The following IRF9 variants were observed in gnomAD, a reference collection of about 807,000 sequenced individuals.
The protein encoded by IRF9 is interferon regulatory factor 9.
Under a neutral mutation model 44.1 loss-of-function variants are expected in IRF9, and 13 were observed. The ratio of observed to expected loss-of-function variants is 0.29; its 90% CI spans 0.19 to 0.47. IRF9 has a LOEUF of 0.47. IRF9 is among the 20% of genes least tolerant of loss of function. The pLI, the probability that IRF9 is intolerant of heterozygous loss-of-function variation, is 1.00. For missense variants in IRF9, 373 were observed against 496.1 expected (o/e 0.75, Z 2.36); for synonymous variants, 189 against 188.5 (o/e 1.00, Z -0.02).
Position 24,163,404 on chromosome 14 carries a change from T to A in IRF9, c.391T>A (p.Ser131Thr), listed in dbSNP as rs374217831. 3.2e-5 allele frequency: 52 copies of A among 1,613,936 alleles called. No individual in the cohort carries two copies. Among genetic ancestry groups the A allele is most frequent in the Non-Finnish European group, 4.3e-5 (51 of 1,179,988 alleles). Residue 131 changes from serine (S) to threonine (T), a missense_variant, in exon 4 of 9, where the codon TCA becomes ACA. Around this residue, in one of 2 missense-constraint regions of IRF9, gnomAD observed 227 missense variants for 255.3 expected, o/e 0.89. Transcript: ENST00000396864. ...CCAGCCAGGGACTCAGAAAGTACCA[T>A]CAAAGCGACAGCACAGTTCTGTGTC... ...SGQPGTQKVP[S>T]KRQHSSVSSE...
chr14:24,165,852 G>T lies in IRF9; in HGVS notation c.997G>T (p.Val333Phe). 6.2e-7 allele frequency: 1 copy of T among 1,612,742 alleles called. No homozygotes were observed. The highest frequency in any genetic ancestry group is 2.2e-5 in the East Asian group (1 of 44,874). ...FRTAYFCRDLVRYFQGLGPPP... is the reference protein window; with the variant it reads ...FRTAYFCRDLFRYFQGLGPPP... ...CTTGACCCTTTCTCTTTCAGACTTG[G>T]TCAGGTACTTTCAGGGCCTGGGCCC... The change falls in exon 8 of 9, where the codon GTC becomes TTC. Residue 333 changes from valine (V) to phenylalanine (F), a missense_variant. Around this residue, in one of 2 missense-constraint regions of IRF9, gnomAD observed 146 missense variants for 240.8 expected, o/e 0.61. Transcript: ENST00000396864.
rs1452927917 is a variant in IRF9 at position 24,164,838 on chromosome 14, C to T, written c.874C>T (p.Arg292Cys). The T allele has an allele frequency of 1.9e-5, 31 of 1,610,148 alleles. No individual in the cohort carries two copies. The highest frequency in any genetic ancestry group is 2.5e-5 in the Non-Finnish European group (30 of 1,179,990). ...CAACCCCCGAGGCCTCTTCGTGCAG[C>T]GCCTTTGCCCCATCCCCATCTCCTG... ...ASNPRGLFVQ[R>C]LCPIPISWNA... Residue 292 changes from arginine to cysteine, a missense_variant, in exon 7 of 9, where the codon CGC becomes TGC. By Grantham distance (180) the Arg-to-Cys change is radical (BLOSUM62 -3). Coordinates refer to ENST00000396864, the MANE Select transcript of IRF9 (RefSeq NM_006084.5). The surrounding 1 kb of genome is among the most constrained non-coding windows in gnomAD (Gnocchi z 5.2).
Position 24,164,757 on chromosome 14 carries a change from C to T in IRF9, c.793C>T (p.Leu265=). The T allele has an allele frequency of 6.2e-7, 1 of 1,611,924 alleles. No homozygotes were observed. Among genetic ancestry groups the T allele is most frequent in the Non-Finnish European group, 8.5e-7 (1 of 1,179,908 alleles). ...EQVLFPKPGP[L]EPTQRLLSQL... is the part of the protein sequence containing the mutation. ...GGTGCTGTTCCCCAAGCCTGGCCCA[C>T]TGGAGCCCACGCAGCGCCTGCTGAG... The change falls in exon 7 of 9, where the codon CTG becomes TTG. Residue 265 remains leucine (L), a synonymous_variant. Coordinates refer to ENST00000396864, the MANE Select transcript of IRF9 (RefSeq NM_006084.5). This position sits in a 1 kb window ranked among gnomAD's most constrained non-coding sequence, Gnocchi z 5.2.
At chr14:24,166,003 C>T (rs199885191) in intron 8 of IRF9, 41 bp downstream of exon 8, 3 of 1,586,648 alleles carry the variant, frequency 1.9e-6, no homozygotes, top group East Asian at 2.2e-5. Flanking sequence ...CTAATGAGAG[C>T]AGAGACAGTG....
Position 24,163,835 on chromosome 14 carries a change from C to T in IRF9, c.496-43C>T, listed in dbSNP as rs191892695. 1.9e-3 allele frequency: 2,987 copies of T among 1,558,762 alleles called. 32 individuals carry two copies. In the African/African-American group the frequency reaches 0.033, roughly 17 times the overall value. ...CTGGGCAACAAGAGTGAAACTCTGTCTCAAAAAAAGAGAAAAAAAATAAAA... is the reference window on the plus strand; with the variant it reads ...CTGGGCAACAAGAGTGAAACTCTGTTTCAAAAAAAGAGAAAAAAAATAAAA... On this transcript the variant is annotated intron_variant, in intron 4 of 8. Coordinates refer to ENST00000396864, the MANE Select transcript of IRF9 (RefSeq NM_006084.5).
At position 24,166,443 on chromosome 14, in the gene IRF9, A is replaced by T; in HGVS notation, c.*247A>T. On this transcript the variant is annotated 3_prime_UTR_variant, in exon 9 of 9. Transcript: ENST00000396864. ...ATCTGTAAGGGACTAGGAAATTCCA[A>T]ATGGTGTGAACCCAGGGGGCCTTTC... 1 of 560,100 alleles carries T rather than the reference A, an allele frequency of 1.8e-6. No individual in the cohort carries two copies. Among genetic ancestry groups the T allele is most frequent in the Non-Finnish European group, 3.1e-6 (1 of 317,954 alleles). 34.7% of individuals were successfully genotyped at this position (560,100 alleles called of 1,614,324 possible).
Position 24,164,616 on chromosome 14 carries a change from T to C in IRF9, c.652T>C (p.Tyr218His). The C allele has an allele frequency of 6.3e-7, 1 of 1,589,164 alleles. No homozygotes were observed. The highest frequency in any genetic ancestry group is 8.6e-7 in the Non-Finnish European group (1 of 1,163,182). Reference protein sequence around the residue: ...LEFLLPPEPDYSLLLTFIYNG... With the variant: ...LEFLLPPEPDHSLLLTFIYNG... ...AGGTAGGGCTGTTCTATCCCCAGAC[T>C]ACTCACTGCTGCTCACCTTCATCTA... Residue 218 changes from tyrosine to histidine, a missense_variant and splice_region_variant, in exon 7 of 9, where the codon TAC becomes CAC. Around this residue, in one of 2 missense-constraint regions of IRF9, gnomAD observed 146 missense variants for 240.8 expected, o/e 0.61. Coordinates refer to ENST00000396864, the MANE Select transcript of IRF9 (RefSeq NM_006084.5). This position sits in a 1 kb window ranked among gnomAD's most constrained non-coding sequence, Gnocchi z 5.2.
chr14:24,166,352 GTGGAGAAC>G lies in IRF9; in HGVS notation c.*158_*165del, dbSNP rs2038522909. 1.5e-6 allele frequency: 1 copy of G among 664,392 alleles called. No homozygotes were observed. Among genetic ancestry groups the G allele is most frequent in the African/African-American group, 1.8e-5 (1 of 54,492 alleles). The allele number at this position is 664,392 out of a possible 1,614,324, so 41.2% of individuals were successfully genotyped here. ...TGAAAATCCTCGCACACACTGGCTGGTGGAGAACTCAAGGCTAATTTTTTATCCTTTTT... is the reference window on the plus strand; with the variant it reads ...TGAAAATCCTCGCACACACTGGCTGGTCAAGGCTAATTTTTTATCCTTTTT... On this transcript the variant is annotated 3_prime_UTR_variant, in exon 9 of 9. Coordinates refer to ENST00000396864, the MANE Select transcript of IRF9 (RefSeq NM_006084.5).
At chr14:24,165,139 C>G (rs1485887606) in intron 7 of IRF9, 184 bp downstream of exon 7, 2 of 718,298 alleles carry the variant, frequency 2.8e-6, no homozygotes, top group East Asian at 5.4e-5. Context: ...CTGGCAGCTA[C>G]CTGGCAGCTC....
At position 24,164,454 on chromosome 14, in the gene IRF9, A is replaced by G; in HGVS notation, c.650-160A>G. 1.4e-6 allele frequency: 1 copy of G among 708,724 alleles called. No homozygotes were observed. The allele number at this position is 708,724 out of a possible 1,614,324, so 43.9% of individuals were successfully genotyped here. A position where few individuals can be genotyped will look rare whatever the true frequency, so the allele number is the denominator to read the frequency against. ...CCTGGGCATTGAGCCCTGAGGCCTC[A>G]TGGTGAATCACATACTAGCTACTTG... is the stretch of plus-strand genomic sequence containing the variant. On this transcript the variant is annotated intron_variant, in intron 6 of 8. Transcript: ENST00000396864. This position sits in a 1 kb window ranked among gnomAD's most constrained non-coding sequence, Gnocchi z 5.2.
chr14:24,166,349 C>A lies in IRF9; in HGVS notation c.*153C>A. 2 of 677,094 alleles carry A rather than the reference C, an allele frequency of 3.0e-6. No homozygotes were observed. Among genetic ancestry groups the A allele is most frequent in the Non-Finnish European group, 2.5e-6 (1 of 393,542 alleles). 41.9% of individuals were successfully genotyped at this position (677,094 alleles called of 1,614,324 possible). A position where few individuals can be genotyped will look rare whatever the true frequency, so the allele number is the denominator to read the frequency against. ...TCCTGAAAATCCTCGCACACACTGG[C>A]TGGTGGAGAACTCAAGGCTAATTTT... is the stretch of plus-strand genomic sequence containing the variant. On this transcript the variant is annotated 3_prime_UTR_variant, in exon 9 of 9. Coordinates refer to ENST00000396864, the MANE Select transcript of IRF9 (RefSeq NM_006084.5).
At chr14:24,165,070 C>T in intron 7 of IRF9, 115 bp downstream of exon 7, 1 of 929,422 alleles carries the variant, frequency 1.1e-6, no homozygotes, top group Non-Finnish European at 1.7e-6. Context: ...CTCCATGTAG[C>T]CTATGCATGG....
At chr14:24,163,230 A>G (rs762009234) in intron 3 of IRF9, 81 bp downstream of exon 3, 1 of 1,567,626 alleles carries the variant, frequency 6.4e-7, no homozygotes, top group Non-Finnish European at 8.7e-7. Flanking sequence ...CCCCAGGCTT[A>G]TAGCTCTGCC....
At chr14:24,163,767 G>T in intron 4 of IRF9, 111 bp from the exon 5 acceptor site, 1 of 1,130,522 alleles carries the variant, frequency 8.8e-7, no homozygotes, top group Non-Finnish European at 1.3e-6. Context: ...GAACCGGGGG[G>T]CGGAGATAGC....
rs1026706018 is a variant in IRF9 at position 24,166,334 on chromosome 14, C to G, written c.*138C>G. ...TCCGTGATAATCGTGTCCTGAAAATCCTCGCACACACTGGCTGGTGGAGAA... is the reference window on the plus strand; with the variant it reads ...TCCGTGATAATCGTGTCCTGAAAATGCTCGCACACACTGGCTGGTGGAGAA... On this transcript the variant is annotated 3_prime_UTR_variant, in exon 9 of 9. Transcript: ENST00000396864. The G allele has an allele frequency of 1.3e-6, 1 of 775,058 alleles. No individual in the cohort carries two copies. The highest frequency in any genetic ancestry group is 2.2e-6 in the Non-Finnish European group (1 of 460,594). 48.0% of individuals were successfully genotyped at this position (775,058 alleles called of 1,614,324 possible). A position where few individuals can be genotyped will look rare whatever the true frequency, so the allele number is the denominator to read the frequency against.
rs1327300244 is a variant in IRF9 at position 24,165,000 on chromosome 14, C to T, written c.991+45C>T. 5 of 1,582,894 alleles carry T rather than the reference C, an allele frequency of 3.2e-6. No homozygotes were observed. The African/African-American group carries it at 6.7e-5, about 21-fold the overall frequency. On this transcript the variant is annotated intron_variant, in intron 7 of 8. Coordinates refer to ENST00000396864, the MANE Select transcript of IRF9 (RefSeq NM_006084.5). The surrounding 1 kb of genome is among the most constrained non-coding windows in gnomAD (Gnocchi z 5.2). ...GCACATGAGCTTCCACCCCCTACCTCTTAGTACCCCCTGGGCCCAACTTGT... is the reference window on the plus strand; with the variant it reads ...GCACATGAGCTTCCACCCCCTACCTTTTAGTACCCCCTGGGCCCAACTTGT...
At position 24,162,313 on chromosome 14, in the gene IRF9, G is replaced by A; in HGVS notation, c.169G>A (p.Ala57Thr). The part of the protein sequence containing the change: ...KQDFREDQDA[A>T]FFKAWAIFKG... ...GGACTTCCGGGAGGACCAGGATGCT[G>A]CCTTCTTCAAGGTGAAAGGGCCTGG... is the stretch of plus-strand genomic sequence containing the variant. Residue 57 changes from alanine (A) to threonine (T), a missense_variant, in exon 2 of 9, where the codon GCC becomes ACC. This residue lies in a region of IRF9 where 227 missense variants were observed against 255.3 expected (regional missense o/e 0.89). Transcript: ENST00000396864. The A allele has an allele frequency of 6.2e-7, 1 of 1,613,752 alleles. No individual in the cohort carries two copies. Among genetic ancestry groups the A allele is most frequent in the Non-Finnish European group, 8.5e-7 (1 of 1,179,764 alleles).
chr14:24,165,164 C>A (rs2139106356), intron 7 of IRF9: 1 of 705,958 alleles, frequency 1.4e-6, no homozygotes, highest in Middle Eastern at 2.3e-4. Context: ...CCAGCCAAGA[C>A]AATGGAAGAG....
In IRF9 at chr14:24,164,159, C is replaced by G; in HGVS notation, c.649+25C>G. On this transcript the variant is annotated intron_variant, in intron 6 of 8. Transcript: ENST00000396864. This position sits in a 1 kb window ranked among gnomAD's most constrained non-coding sequence, Gnocchi z 5.2. Reference sequence around the variant, plus strand: ...GGTACGTGGCATTTCTGACTTTCTCCTGTGCCCTGTGCCCCTGAGGTCTTC... The same window carrying G: ...GGTACGTGGCATTTCTGACTTTCTCGTGTGCCCTGTGCCCCTGAGGTCTTC... 1 of 1,595,580 alleles carries G rather than the reference C, an allele frequency of 6.3e-7. No individual in the cohort carries two copies. Among genetic ancestry groups the G allele is most frequent in the Non-Finnish European group, 8.6e-7 (1 of 1,163,296 alleles).
Sources: gnomAD v4.1 joint callset for allele counts on GRCh38, gnomAD v4.1.1 for gene constraint, gnomAD v4.1.1 regional missense constraint, Gnocchi (gnomAD v3.1) non-coding constraint, MANE v1.5 for transcripts, NCBI Gene and HGNC (gene_info 2026-07-23, HGNC 2026-07-21) for gene names.